The following MET variants were observed in gnomAD, a reference collection of about 807,000 sequenced individuals.
MET encodes MET proto-oncogene, receptor tyrosine kinase.
A neutral mutation model predicts 133.1 loss-of-function variants in MET; 48 were observed. The observed-to-expected ratio is 0.36, with a 90% CI of 0.29 to 0.46. MET has a LOEUF of 0.46. Ranked by LOEUF, MET falls within the 20% of genes least tolerant of loss-of-function variation. The pLI, the probability that MET is intolerant of heterozygous loss-of-function variation, is 1.00. For missense variants in MET, 1,442 were observed against 1,695.9 expected, an observed-to-expected ratio of 0.85 and a Z score of 2.63; for synonymous variants, 628 against 616.5, an observed-to-expected ratio of 1.02 and a Z score of -0.28.
rs2116599749 is a variant in MET at position 116,699,945 on chromosome 7, A to G, written c.861A>G (p.Gly287=). ...TCAGGTTCTGTTCCATAAACTCTGG[A>G]TTGCATTCCTACATGGAAATGCCTC... ...RIIRFCSINS[G]LHSYMEMPLE... The change falls in exon 2 of 21, where the codon GGA becomes GGG. Residue 287 remains glycine, a synonymous_variant. Coordinates refer to ENST00000397752, the MANE Select transcript of MET (RefSeq NM_000245.4). 1 of 1,614,074 alleles carries G rather than the reference A, an allele frequency of 6.2e-7. No homozygotes were observed. Among genetic ancestry groups the G allele is most frequent in the Non-Finnish European group, 8.5e-7 (1 of 1,179,956 alleles).
intron 11 of MET, among the ~76,000 whole-genome samples, chr7:116,767,943 C>A (rs576581350): frequency 3.7e-4 from 55 of 148,064 alleles, no homozygotes; most frequent in Non-Finnish European, 7.4e-4. Context: ...ATATCTGGGA[C>A]TTTACGCTTC....
intron 2 of MET, among the ~76,000 whole-genome samples, chr7:116,717,267 A>G (rs1219128253): frequency 1.3e-5 from 2 of 152,220 alleles, no homozygotes; most frequent in African/African-American, 2.4e-5. Context: ...CAATGTCAAC[A>G]TCTTAGACAT....
At chr7:116,684,380 C>T (rs946114246) in intron 1 of MET, among the ~76,000 whole-genome samples, 36 of 152,170 alleles carry the variant, frequency 2.4e-4, no homozygotes, top group African/African-American at 8.4e-4. Context: ...CATGTAATGA[C>T]ACTATGCTAA....
Position 116,707,883 on chromosome 7 carries a change from A to G in MET, c.1200+7599A>G, listed in dbSNP as rs928490758. On this transcript the variant is annotated intron_variant, in intron 2 of 20. Coordinates refer to ENST00000397752, the MANE Select transcript of MET (RefSeq NM_000245.4). ...AATTACATTACCTGCTTGTTCTTTCATCTTATTAGTTTAAGCCAAGTGCTA... is the reference window on the plus strand; with the variant it reads ...AATTACATTACCTGCTTGTTCTTTCGTCTTATTAGTTTAAGCCAAGTGCTA... 5.3e-5 allele frequency among the ~76,000 whole-genome samples: 8 copies of G among 152,144 alleles called. No homozygotes were observed. In the East Asian group the frequency reaches 1.3e-3, roughly 26 times the overall value.
rs749821599 is a variant in MET at position 116,796,161 on chromosome 7, T to A, written c.*37T>A. On this transcript the variant is annotated 3_prime_UTR_variant, in exon 21 of 21. Transcript: ENST00000397752. ...TGTCAAAGCAACAGTCCACACTTTG[T>A]CCAATGGTTTTTTCACTGCCTGACC... 6.3e-7 allele frequency: 1 copy of A among 1,591,998 alleles called. No individual in the cohort carries two copies. The highest frequency in any genetic ancestry group is 8.6e-7 in the Non-Finnish European group (1 of 1,161,634).
intron 2 of MET, among the ~76,000 whole-genome samples, chr7:116,730,769 A>C (rs1479427022): frequency 6.6e-6 from 1 of 152,118 alleles, no homozygotes; most frequent in Non-Finnish European, 1.5e-5. Context: ...GTAGTGTCCT[A>C]AGGTCAGGCA....
chr7:116,791,357 C>T (rs184187476), intron 19 of MET, among the ~76,000 whole-genome samples: 6 of 152,256 alleles, frequency 3.9e-5, no homozygotes, highest in Admixed American at 6.5e-5. Context: ...TCCTCTCCCG[C>T]ACTTGACATT....
At chr7:116,713,121 C>T (rs1044380628) in intron 2 of MET, among the ~76,000 whole-genome samples, 6 of 152,154 alleles carry the variant, frequency 3.9e-5, no homozygotes, top group Non-Finnish European at 5.9e-5. Context: ...AGAGGCCGGG[C>T]GCGGTGGCTC....
chr7:116,758,329 G>C, intron 8 of MET, 130 bp from the exon 9 acceptor site: 1 of 905,072 alleles, frequency 1.1e-6, no homozygotes, highest in Non-Finnish European at 1.8e-6. Flanking sequence ...GCCTACACTA[G>C]AAAAGGCTTC....
chr7:116,778,624 G>A, intron 16 of MET, 152 bp from the exon 17 acceptor site: 2 of 840,466 alleles, frequency 2.4e-6, no homozygotes. Flanking sequence ...CATTCACTCA[G>A]ATGTGATGTA....
At chr7:116,761,185 A>G (rs545075758) in intron 10 of MET, among the ~76,000 whole-genome samples, 120 of 152,310 alleles carry the variant, frequency 7.9e-4, no homozygotes, top group Non-Finnish European at 1.2e-3. Context: ...CACACATGAG[A>G]GTTACATATC....
chr7:116,784,662 C>T (rs368105512), intron 19 of MET, among the ~76,000 whole-genome samples: 1 of 152,154 alleles, frequency 6.6e-6, no homozygotes, highest in East Asian at 1.9e-4. Context: ...AACCACGCCC[C>T]TCCCTCAGCA....
At chr7:116,690,775 C>T (rs1030313623) in intron 1 of MET, among the ~76,000 whole-genome samples, 8 of 152,108 alleles carry the variant, frequency 5.3e-5, no homozygotes, top group Admixed American at 3.3e-4. Context: ...TTCAAATCCA[C>T]GGACTGTACA....
rs1793097893 is a variant in MET, at chr7:116,733,429, A to C, written c.1392+1570A>C. ...GCTTTTTATGATTACTTTAGCTCCGACTTTTTTTAACATCAAAAGTTCCCT... is the reference window on the plus strand; with the variant it reads ...GCTTTTTATGATTACTTTAGCTCCGCCTTTTTTTAACATCAAAAGTTCCCT... On this transcript the variant is annotated intron_variant, in intron 3 of 20. Transcript: ENST00000397752. Among the ~76,000 whole-genome samples, 3 of 151,418 alleles carry C rather than the reference A, an allele frequency of 2.0e-5. No individual in the cohort carries two copies. The South Asian group carries it at 6.3e-4, about 32-fold the overall frequency.
intron 2 of MET, among the ~76,000 whole-genome samples, chr7:116,701,424 T>C (rs1294477697): frequency 2.6e-5 from 4 of 152,176 alleles, no homozygotes; most frequent in Non-Finnish European, 5.9e-5. Context: ...TAAAGGCATA[T>C]GAATTCAGAG....
At chr7:116,673,036 A>G (rs1467993050) in intron 1 of MET, among the ~76,000 whole-genome samples, 1 of 152,054 alleles carries the variant, frequency 6.6e-6, no homozygotes, top group Non-Finnish European at 1.5e-5. Flanking sequence ...GTCTGAATTC[A>G]TTTCTGGCAA....
At chr7:116,729,599 C>A (rs1016515883) in intron 2 of MET, among the ~76,000 whole-genome samples, 1 of 152,160 alleles carries the variant, frequency 6.6e-6, no homozygotes, top group African/African-American at 2.4e-5. Flanking sequence ...TTTTCCTACA[C>A]TTATAGTTAC....
chr7:116,737,798 A>C (rs1279984734), intron 3 of MET, among the ~76,000 whole-genome samples: 1 of 152,194 alleles, frequency 6.6e-6, no homozygotes, highest in Non-Finnish European at 1.5e-5. Flanking sequence ...AGAAAGAGAA[A>C]GGTTAATTCT....
At chr7:116,794,669 C>T (rs1423267991) in intron 19 of MET, among the ~76,000 whole-genome samples, 3 of 152,208 alleles carry the variant, frequency 2.0e-5, no homozygotes, top group African/African-American at 7.2e-5. Flanking sequence ...TTTCCTTCTG[C>T]TCCAAGCTTC....
Sources: allele counts gnomAD v4.1 joint callset (sites outside exome capture counted in the v4.1 genomes callset), GRCh38; gene constraint gnomAD v4.1.1; transcripts MANE v1.5; gene names NCBI Gene and HGNC (gene_info 2026-07-23, HGNC 2026-07-21).